PIGK: variants seen among roughly 807,000 people sequenced by gnomAD.
PIGK encodes the protein GPI-anchor transamidase.
A neutral mutation model predicts 50.6 loss-of-function variants in PIGK; 42 were observed. The observed-to-expected ratio is 0.83, with a 90% CI of 0.65 to 1.07. The LOEUF is 1.07. Ranked by LOEUF, PIGK falls within the 50% of genes least tolerant of loss-of-function variation. The pLI, the probability that PIGK is intolerant of heterozygous loss-of-function variation, is 0.00. For synonymous variants in PIGK, 151 were observed against 156.0 expected (o/e 0.97, Z 0.24); for missense variants, 448 against 488.7 (o/e 0.92, Z 0.78).
chr1:77,118,183 T>G (rs1335946321), intron 10 of PIGK, among the ~76,000 whole-genome samples: 10 of 152,216 alleles, frequency 6.6e-5, no homozygotes, highest in Admixed American at 6.5e-4. Flanking sequence ...TCTTTATATA[T>G]GAAGGTGTTA....
Position 77,091,722 on chromosome 1 carries a change from A to C in PIGK, c.*652T>G, listed in dbSNP as rs1352506778. On this transcript the variant is annotated 3_prime_UTR_variant, in exon 11 of 11. Transcript: ENST00000370812. The stretch of plus-strand genomic sequence containing the variant: ...AATTTTTCATCTTTGCTTTTAATTA[A>C]AGCTGCAGGATTCCATGAGTGACCA... The C allele has an allele frequency of 6.6e-6, 1 of 152,214 alleles. No individual in the cohort carries two copies. Among genetic ancestry groups the C allele is most frequent in the Non-Finnish European group, 1.5e-5 (1 of 68,028 alleles). 9.4% of individuals were successfully genotyped at this position (152,214 alleles called of 1,614,324 possible).
At chr1:77,100,302 A>G (rs1049802666) in intron 10 of PIGK, among the ~76,000 whole-genome samples, 2 of 152,204 alleles carry the variant, frequency 1.3e-5, no homozygotes, top group Non-Finnish European at 2.9e-5. Context: ...AGTTATAATT[A>G]TTTCAGAAAA....
At chr1:77,115,032 T>C (rs1285650260) in intron 10 of PIGK, among the ~76,000 whole-genome samples, 1 of 152,200 alleles carries the variant, frequency 6.6e-6, no homozygotes, top group East Asian at 1.9e-4. Flanking sequence ...AGATTTCTAC[T>C]TGATAGACAT....
At chr1:77,189,725 ATATATATATATATATATATATAT>A in intron 3 of PIGK, among the ~76,000 whole-genome samples, 1 of 81,280 alleles carries the variant, frequency 1.2e-5, no homozygotes, top group Non-Finnish European at 2.3e-5. Context: ...ATATATATAT[ATATATATATATATATATATATAT>A]ACACACACAC....
intron 10 of PIGK, among the ~76,000 whole-genome samples, chr1:77,119,906 A>C (rs997112402): frequency 6.6e-6 from 1 of 151,956 alleles, no homozygotes; most frequent in African/African-American, 2.4e-5. Context: ...TTATCTATCC[A>C]TTTAGAGATA....
At chr1:77,124,349 CT>C (rs1654177656) in intron 9 of PIGK, among the ~76,000 whole-genome samples, 1 of 152,166 alleles carries the variant, frequency 6.6e-6, no homozygotes, top group Admixed American at 6.5e-5. Flanking sequence ...TGGCTCACGC[CT>C]GTAATCCCAG....
intron 9 of PIGK, among the ~76,000 whole-genome samples, chr1:77,136,592 T>C (rs1284199107): frequency 1.3e-5 from 2 of 151,746 alleles, no homozygotes; most frequent in South Asian, 2.1e-4. Flanking sequence ...TGTTACCCAT[T>C]GTAGATGCCA....
At chr1:77,145,468 TACAAA>T (rs1654748583) in intron 9 of PIGK, among the ~76,000 whole-genome samples, 1 of 152,032 alleles carries the variant, frequency 6.6e-6, no homozygotes, top group Non-Finnish European at 1.5e-5. Context: ...AAAAATAACA[TACAAA>T]ATGTTTAGGA....
At chr1:77,111,549 T>C (rs984069146) in intron 10 of PIGK, among the ~76,000 whole-genome samples, 21 of 145,626 alleles carry the variant, frequency 1.4e-4, no homozygotes, top group East Asian at 4.0e-4. Context: ...TAGGTGGGAA[T>C]TGAACAATGA....
At chr1:77,094,582 A>G (rs1319063669) in intron 10 of PIGK, among the ~76,000 whole-genome samples, 1 of 152,184 alleles carries the variant, frequency 6.6e-6, no homozygotes, top group Admixed American at 6.6e-5. Flanking sequence ...TTAATTCTGC[A>G]GCTGTAATAA....
Position 77,090,257 on chromosome 1 carries a change from T to C in PIGK, c.*2117A>G, listed in dbSNP as rs887127101. On this transcript the variant is annotated 3_prime_UTR_variant, in exon 11 of 11. Transcript: ENST00000370812. ...ACTGTTTAAAGTGTAGGCCATTTAA[T>C]TGCACTGACAATATTTCCTAAACGT... The C allele has an allele frequency of 6.6e-6, 1 of 152,228 alleles. No individual in the cohort carries two copies. The highest frequency in any genetic ancestry group is 1.5e-5 in the Non-Finnish European group (1 of 68,026). The allele number at this position is 152,228 out of a possible 1,614,324, so 9.4% of individuals were successfully genotyped here. A position where few individuals can be genotyped will look rare whatever the true frequency, so the allele number is the denominator to read the frequency against.
intron 1 of PIGK, among the ~76,000 whole-genome samples, chr1:77,213,690 C>T (rs1656477743): frequency 6.6e-6 from 1 of 151,680 alleles, no homozygotes; most frequent in East Asian, 1.9e-4. Flanking sequence ...AGAAATAATA[C>T]AGATCAGAGC....
chr1:77,169,202 T>C, intron 4 of PIGK, 58 bp downstream of exon 4: 1 of 1,159,676 alleles, frequency 8.6e-7, no homozygotes, highest in South Asian at 1.8e-5. Context: ...CTGCCATTGT[T>C]TTAGAGCCTA....
chr1:77,105,591 A>C (rs1653651812), intron 10 of PIGK, among the ~76,000 whole-genome samples: 1 of 152,122 alleles, frequency 6.6e-6, no homozygotes, highest in East Asian at 1.9e-4. Flanking sequence ...GGGACAGCTT[A>C]ATCAAAACAC....
At chr1:77,214,444 A>C (rs1417667431) in intron 1 of PIGK, among the ~76,000 whole-genome samples, 1 of 152,184 alleles carries the variant, frequency 6.6e-6, no homozygotes, top group Non-Finnish European at 1.5e-5. Context: ...CATTTGATAA[A>C]ATTCAACATC....
intron 10 of PIGK, 124 bp downstream of exon 10, chr1:77,122,151 G>A (rs982273417): frequency 2.6e-5 from 16 of 618,172 alleles, no homozygotes; most frequent in Non-Finnish European, 8.7e-6. Context: ...AGTCTAAATA[G>A]GGATAGACAG....
At chr1:77,219,062 C>CATGTAGTGCACCTAAGATAATGT (rs1553121739) in intron 1 of PIGK, among the ~76,000 whole-genome samples, 1 of 152,192 alleles carries the variant, frequency 6.6e-6, no homozygotes, top group Non-Finnish European at 1.5e-5. Context: ...AAGAACTGCA[C>CATGTAGTGCACCTAAGATAATGT]ACATGTAGGA....
At chr1:77,173,470 T>C (rs768727035) in intron 3 of PIGK, among the ~76,000 whole-genome samples, 2 of 152,116 alleles carry the variant, frequency 1.3e-5, no homozygotes, top group Non-Finnish European at 2.9e-5. Flanking sequence ...CCCAGAACTA[T>C]GGTGTGGTAA....
At chr1:77,125,298 G>A (rs2100530554) in intron 9 of PIGK, among the ~76,000 whole-genome samples, 1 of 152,278 alleles carries the variant, frequency 6.6e-6, no homozygotes, top group Admixed American at 6.5e-5. Flanking sequence ...GTGAGCTGCA[G>A]ATACCATGAC....
Sources: gnomAD v4.1 joint callset for allele counts (sites outside exome capture counted in the v4.1 genomes callset) on GRCh38, gnomAD v4.1.1 for gene constraint, MANE v1.5 for transcripts, NCBI Gene and HGNC (gene_info 2026-07-23, HGNC 2026-07-21) for gene names.